The following CHAT variants were observed in gnomAD, a reference collection of about 807,000 sequenced individuals.
CHAT encodes acetyl CoA:choline O-acetyltransferase.
Under a neutral mutation model 76.9 loss-of-function variants are expected in CHAT, and 61 were observed. The ratio of observed to expected loss-of-function variants is 0.79; its 90% confidence interval spans 0.65 to 0.98. CHAT has a LOEUF of 0.98. Among genes scored for constraint, CHAT ranks in the 50% least tolerant of loss-of-function variants. The pLI, the probability that CHAT is intolerant of heterozygous loss-of-function variation, is 0.00. For synonymous variants in CHAT, 407 were observed against 397.4 expected (o/e 1.02, Z -0.29); for missense variants, 946 against 986.9 (o/e 0.96, Z 0.56).
chr10:49,623,919 C>T (rs140827231), intron 5 of CHAT, among the ~76,000 whole-genome samples: 9 of 152,358 alleles, frequency 5.9e-5, no homozygotes, highest in African/African-American at 2.2e-4. Context: ...TTCTCTGCCA[C>T]AACCTCCTTC....
At chr10:49,645,470 C>T (rs1366121530) in intron 7 of CHAT, among the ~76,000 whole-genome samples, 2 of 152,226 alleles carry the variant, frequency 1.3e-5, no homozygotes, top group East Asian at 3.8e-4. Context: ...TGTACCCCCA[C>T]ACCCAGTACT....
chr10:49,610,788 G>C (rs905078385), upstream of CHAT: 9 of 1,576,908 alleles, frequency 5.7e-6, no homozygotes, highest in Non-Finnish European at 6.9e-6. Flanking sequence ...CGGCCACCAA[G>C]CTGTCGGAGG....
chr10:49,638,734 A>G (rs1180810183), intron 7 of CHAT, among the ~76,000 whole-genome samples: 1 of 152,200 alleles, frequency 6.6e-6, no homozygotes, highest in Non-Finnish European at 1.5e-5. Flanking sequence ...TTTATAATAC[A>G]CTTGTCTTAA....
intron 14 of CHAT, among the ~76,000 whole-genome samples, chr10:49,663,371 A>G (rs932599622): frequency 1.3e-5 from 2 of 152,138 alleles, no homozygotes; most frequent in East Asian, 3.9e-4. Flanking sequence ...CTTTCAATCT[A>G]TTGCCGCGGT....
upstream of CHAT, chr10:49,610,557 C>T: frequency 3.6e-6 from 2 of 555,416 alleles, no homozygotes; most frequent in Non-Finnish European, 5.9e-6. Context: ...TGCAACGCCT[C>T]GCCGGACGGA....
chr10:49,643,768 T>C (rs564249446), intron 7 of CHAT, among the ~76,000 whole-genome samples: 2 of 152,258 alleles, frequency 1.3e-5, no homozygotes, highest in African/African-American at 4.8e-5. Flanking sequence ...CTGAACTGGG[T>C]CCACAGATCC....
At chr10:49,632,983 C>T (rs1839176593) in intron 7 of CHAT, among the ~76,000 whole-genome samples, 1 of 152,216 alleles carries the variant, frequency 6.6e-6, no homozygotes, top group Non-Finnish European at 1.5e-5. Flanking sequence ...CATCCACAGG[C>T]CACTACCAGT....
chr10:49,661,786 A>C (rs1366308817), intron 13 of CHAT, among the ~76,000 whole-genome samples: 1 of 152,136 alleles, frequency 6.6e-6, no homozygotes, highest in Non-Finnish European at 1.5e-5. Flanking sequence ...CAGTGTGCAT[A>C]CTACATACCC....
chr10:49,620,358 G>A (rs1013240382), intron 3 of CHAT, 137 bp from the exon 4 acceptor site: 1 of 752,246 alleles, frequency 1.3e-6, no homozygotes, highest in Non-Finnish European at 2.4e-6. Flanking sequence ...GAAGCTCCTG[G>A]CACATACCTG....
rs996997175 is a variant in CHAT at position 49,649,873 on chromosome 10, T to A, written c.1511+237T>A. 0.26 allele frequency among the ~76,000 whole-genome samples: 17,776 copies of A among 69,498 alleles called. 1,465 individuals are homozygous for A. The highest frequency in any genetic ancestry group is 0.4 in the Non-Finnish European group (11,965 of 29,844). The allele number at this position is 69,498 out of a possible 152,430, so 45.6% of individuals were successfully genotyped here. ...AAATGCAAACGCAGGGCTATTTTTT[T>A]TTTTTTTTTTTTTTTTTTTTTCAGT... On this transcript the variant is annotated intron_variant, in intron 10 of 14. Coordinates refer to ENST00000337653, the MANE Select transcript of CHAT (RefSeq NM_020549.5).
rs753198768 is a variant in CHAT, at chr10:49,619,778, G to A, written c.441G>A (p.Leu147=). The A allele has an allele frequency of 5.6e-6, 9 of 1,613,920 alleles. No individual in the cohort carries two copies. Among genetic ancestry groups the A allele is most frequent in the Non-Finnish European group, 7.6e-6 (9 of 1,180,022 alleles). The change falls in exon 3 of 15, where the codon CTG becomes CTA. Residue 147 remains leucine (L), a synonymous_variant. Transcript: ENST00000337653. ...TGCAGCAGACCCTGGCCACGTACCTGCAGTGCATGCGACACTTGGTGTCTG... is the reference window on the plus strand; with the variant it reads ...TGCAGCAGACCCTGGCCACGTACCTACAGTGCATGCGACACTTGGTGTCTG... ...PPLQQTLATY[L]QCMRHLVSEE...
At chr10:49,617,961 A>C (rs1212436056) in intron 2 of CHAT, among the ~76,000 whole-genome samples, 2 of 152,186 alleles carry the variant, frequency 1.3e-5, no homozygotes, top group Non-Finnish European at 2.9e-5. Context: ...TTCATCCATC[A>C]GCAGCAGGGG....
At chr10:49,663,954 C>T (rs1840276199) in intron 14 of CHAT, among the ~76,000 whole-genome samples, 1 of 152,154 alleles carries the variant, frequency 6.6e-6, no homozygotes, top group African/African-American at 2.4e-5. Context: ...TTTGTTCTGC[C>T]CCATTAAAAC....
Position 49,625,550 on chromosome 10 carries a change from TCTC to T in CHAT, c.836_838del (p.Ser279del), listed in dbSNP as rs560648873. 3.0e-4 allele frequency: 490 copies of T among 1,613,708 alleles called. 1 individual carries two copies. In the African/African-American group the frequency reaches 4.8e-3, roughly 16 times the overall value. On this transcript the variant is annotated inframe_deletion, in exon 6 of 15. Transcript: ENST00000337653. ...TGCATGAAGCAATACTATGGGCTCT[TCTC>T]CTCCTACCGGCTCCCCGGCCATACC...
chr10:49,614,147 G>GGGCC lies in CHAT; in HGVS notation c.-41_-40insCCGG. On this transcript the variant is annotated 5_prime_UTR_variant, in exon 1 of 15. Transcript: ENST00000337653. ...CGGGAAGCGCTCCGGGTAGATTCTG[G>GGGCC]GGGCCGGGAGCTGAGATCCCTGGGC... The GGGCC allele has an allele frequency of 6.5e-7, 1 of 1,546,260 alleles. No homozygotes were observed.
intron 11 of CHAT, among the ~76,000 whole-genome samples, chr10:49,654,152 T>C (rs576917663): frequency 6.6e-5 from 10 of 152,308 alleles, no homozygotes; most frequent in African/African-American, 2.4e-4. Flanking sequence ...CCAGGGACCA[T>C]AGAGACAGGA....
chr10:49,612,812 A>C, upstream of CHAT: 1 of 162,714 alleles, frequency 6.1e-6, no homozygotes, highest in Non-Finnish European at 1.3e-5. Context: ...CCCAATCCAG[A>C]CCTAAGCCAA....
chr10:49,667,882 A>T lies in CHAT; in HGVS notation c.*2836A>T, dbSNP rs548335685. Among the ~76,000 whole-genome samples, 1 of 152,392 alleles carries T rather than the reference A, an allele frequency of 6.6e-6. No individual in the cohort carries two copies. Among genetic ancestry groups the T allele is most frequent in the African/African-American group, 2.4e-5 (1 of 41,594 alleles). On this transcript the variant is annotated 3_prime_UTR_variant, in exon 15 of 15. Coordinates refer to ENST00000337653, the MANE Select transcript of CHAT (RefSeq NM_020549.5). ...TAAAGAACTGTATATTGTAAGCATT[A>T]TATTCAAATTATTTAAAAATTGTTC... is the stretch of plus-strand genomic sequence containing the variant.
At chr10:49,640,264 C>G (rs1329267675) in intron 7 of CHAT, among the ~76,000 whole-genome samples, 1 of 152,146 alleles carries the variant, frequency 6.6e-6, no homozygotes, top group South Asian at 2.1e-4. Context: ...CTCCGCCTCC[C>G]GTGTTCAAAC....
Sources: gnomAD v4.1 joint callset for allele counts (sites outside exome capture counted in the v4.1 genomes callset) on GRCh38, gnomAD v4.1.1 for gene constraint, MANE v1.5 for transcripts, NCBI Gene and HGNC (gene_info 2026-07-23, HGNC 2026-07-21) for gene names.